Variants in PTPRG observed in about 807,000 individuals in gnomAD.
PTPRG encodes the protein receptor-type tyrosine-protein phosphatase gamma.
A neutral mutation model predicts 165.3 loss-of-function variants in PTPRG; 102 were observed. The ratio of observed to expected loss-of-function variants is 0.62; its 90% CI spans 0.53 to 0.73. PTPRG has a LOEUF of 0.73. Among genes scored for constraint, PTPRG ranks in the 30% least tolerant of loss-of-function variants. The pLI is 0.00. For missense variants in PTPRG, 1,866 were observed against 1,861.4 expected, an observed-to-expected ratio of 1.00 and a Z score of -0.05; for synonymous variants, 675 against 669.5, an observed-to-expected ratio of 1.01 and a Z score of -0.13.
At chr3:61,959,679 G>A (rs943060765) in intron 2 of PTPRG, among the ~76,000 whole-genome samples, 1 of 152,158 alleles carries the variant, frequency 6.6e-6, no homozygotes. Context: ...TGACTAATTT[G>A]ATGGAGGAAA....
chr3:61,990,125 A>G lies in PTPRG; in HGVS notation c.370+321A>G, dbSNP rs146403791. Among the ~76,000 whole-genome samples the G allele has an allele frequency of 3.2e-3, 480 of 152,262 alleles. 2 individuals carry two copies. The highest frequency in any genetic ancestry group is 0.014 in the Middle Eastern group (4 of 294). Reference sequence around the variant, plus strand: ...CAGAAAGCTACCCAATCTAGTAGCCACTAGCCACATGTGACTATTTCCATT... The same window carrying G: ...CAGAAAGCTACCCAATCTAGTAGCCGCTAGCCACATGTGACTATTTCCATT... On this transcript the variant is annotated intron_variant, in intron 3 of 29. Transcript: ENST00000474889.
At chr3:61,615,926 G>T (rs1701284400) in intron 1 of PTPRG, among the ~76,000 whole-genome samples, 1 of 152,152 alleles carries the variant, frequency 6.6e-6, no homozygotes, top group African/African-American at 2.4e-5. Flanking sequence ...ATTTCTTTTA[G>T]AGGAGACTAG....
chr3:61,935,373 A>G (rs952765729), intron 2 of PTPRG, among the ~76,000 whole-genome samples: 14 of 152,110 alleles, frequency 9.2e-5, no homozygotes, highest in Non-Finnish European at 1.5e-4. Flanking sequence ...CTTGACTACA[A>G]TTTCTTTCTG....
At chr3:61,770,659 G>T (rs1213776874) in intron 2 of PTPRG, 1 of 152,074 alleles carries the variant, frequency 6.6e-6, no homozygotes, top group Non-Finnish European at 1.5e-5. Flanking sequence ...TAATTTAAAT[G>T]ATCTTTGATT....
intron 2 of PTPRG, among the ~76,000 whole-genome samples, chr3:61,916,457 A>G (rs955461522): frequency 6.6e-6 from 1 of 152,172 alleles, no homozygotes; most frequent in Non-Finnish European, 1.5e-5. Context: ...TTTAAAATAA[A>G]TGATTTCTAG....
intron 2 of PTPRG, among the ~76,000 whole-genome samples, chr3:61,752,453 G>A (rs1314069820): frequency 6.6e-6 from 1 of 152,024 alleles, no homozygotes; most frequent in African/African-American, 2.4e-5. Context: ...TAAATATCTA[G>A]TAATGGTGAA....
intron 2 of PTPRG, among the ~76,000 whole-genome samples, chr3:61,768,175 G>A (rs928649679): frequency 2.6e-5 from 4 of 152,066 alleles, no homozygotes; most frequent in Admixed American, 1.3e-4. Flanking sequence ...AAGACAGAGA[G>A]TTATTCATCA....
chr3:61,679,294 G>T (rs2107109413), intron 1 of PTPRG, among the ~76,000 whole-genome samples: 1 of 152,314 alleles, frequency 6.6e-6, no homozygotes, highest in African/African-American at 2.4e-5. Context: ...AGGAGATCTT[G>T]ACAGCCTGTC....
At chr3:61,709,971 G>C (rs1020374315) in intron 1 of PTPRG, among the ~76,000 whole-genome samples, 1 of 152,158 alleles carries the variant, frequency 6.6e-6, no homozygotes, top group African/African-American at 2.4e-5. Flanking sequence ...TGATGCTGCT[G>C]TTCCTGGGAC....
intron 5 of PTPRG, among the ~76,000 whole-genome samples, chr3:62,109,725 A>G (rs35213231): frequency 0.12 from 18,442 of 152,162 alleles, 1,189 homozygotes; most frequent in African/African-American, 0.15. Context: ...GGGAGGCCCA[A>G]CCAGTGCCAC....
At chr3:61,872,715 G>T (rs2037617157) in intron 2 of PTPRG, among the ~76,000 whole-genome samples, 1 of 152,106 alleles carries the variant, frequency 6.6e-6, no homozygotes, top group South Asian at 2.1e-4. Context: ...TTTCACTTAG[G>T]GAGCTTTTGA....
chr3:62,037,108 C>T (rs1699970969), intron 4 of PTPRG, among the ~76,000 whole-genome samples: 3 of 152,134 alleles, frequency 2.0e-5, no homozygotes, highest in Admixed American at 1.3e-4. Flanking sequence ...CAGAGAAGTA[C>T]TCATTTTATC....
At chr3:61,648,093 A>G (rs1199975600) in intron 1 of PTPRG, among the ~76,000 whole-genome samples, 2 of 152,188 alleles carry the variant, frequency 1.3e-5, no homozygotes, top group African/African-American at 4.8e-5. Context: ...TGTTTGATTA[A>G]ACCAGTCCTA....
chr3:61,797,320 C>A (rs2035078902), intron 2 of PTPRG, among the ~76,000 whole-genome samples: 1 of 151,998 alleles, frequency 6.6e-6, no homozygotes, highest in African/African-American at 2.4e-5. Context: ...GGATTTTTTT[C>A]CCCCATATTT....
chr3:61,639,406 C>A (rs59079417), intron 1 of PTPRG, among the ~76,000 whole-genome samples: 94 of 152,218 alleles, frequency 6.2e-4, no homozygotes, highest in Middle Eastern at 6.8e-3. Context: ...TTTTTGGTTC[C>A]ATATGAATTT....
chr3:61,898,161 A>G (rs904460608), intron 2 of PTPRG, among the ~76,000 whole-genome samples: 4 of 152,202 alleles, frequency 2.6e-5, no homozygotes, highest in Admixed American at 6.5e-5. Context: ...GTCTTTCATC[A>G]TTAAGTATGC....
chr3:62,004,357 AAATT>A (rs1157755380), intron 4 of PTPRG, among the ~76,000 whole-genome samples: 1 of 152,186 alleles, frequency 6.6e-6, no homozygotes, highest in Non-Finnish European at 1.5e-5. Flanking sequence ...ATAAACATAG[AAATT>A]GACCCTTCTG....
Position 62,277,534 on chromosome 3 carries a change from T to C in PTPRG, c.3637-17T>C. ...AACACTCATATTCACTGATTTTTTT[T>C]GTCTTCCCAACTGAAGGGCTATTAT... On this transcript the variant is annotated splice_polypyrimidine_tract_variant and intron_variant, in intron 25 of 29. Coordinates refer to ENST00000474889, the MANE Select transcript of PTPRG (RefSeq NM_002841.4). The C allele has an allele frequency of 6.2e-7, 1 of 1,607,014 alleles. No homozygotes were observed.
rs1426172493 is a variant in PTPRG, at chr3:61,761,422, C to CA, written c.190+12447dup. Among the ~76,000 whole-genome samples, 5 of 151,958 alleles carry CA rather than the reference C, an allele frequency of 3.3e-5. No individual in the cohort carries two copies. In the East Asian group the frequency reaches 5.8e-4, roughly 18 times the overall value. ...TGAAACTTCATCTCTACTAAAAATA[C>CA]AAAAAAATTAGCCAGGCGTGGTGGT... On this transcript the variant is annotated intron_variant, in intron 2 of 29. Transcript: ENST00000474889.
Sources: allele counts gnomAD v4.1 joint callset (sites outside exome capture counted in the v4.1 genomes callset), GRCh38; gene constraint gnomAD v4.1.1; transcripts MANE v1.5; gene names NCBI Gene and HGNC (gene_info 2026-07-23, HGNC 2026-07-21).